TCF12: variants seen among roughly 807,000 people sequenced by gnomAD.
TCF12 encodes DNA-binding protein HTF4.
TCF12 carries 45 observed loss-of-function variants against 86.0 expected under a neutral mutation model. The observed-to-expected ratio is 0.52, with a 90% confidence interval of 0.41 to 0.67. The LOEUF is 0.67. TCF12 is among the 30% of genes least tolerant of loss of function. The probability of loss-of-function intolerance (pLI) is 0.00; values close to 1 mark genes in which losing one functional copy is unlikely to be tolerated. For missense variants in TCF12, 881 were observed against 859.9 expected (o/e 1.02, Z -0.31); for synonymous variants, 330 against 299.6 (o/e 1.10, Z -1.05).
chr15:57,275,660 T>A (rs1415127342), intron 19 of TCF12, among the ~76,000 whole-genome samples: 1 of 152,104 alleles, frequency 6.6e-6, no homozygotes, highest in African/African-American at 2.4e-5. Flanking sequence ...AGACCCTCCT[T>A]AGCAGTCCCT....
intron 8 of TCF12, among the ~76,000 whole-genome samples, chr15:57,230,586 T>G (rs1957597981): frequency 6.6e-6 from 1 of 152,032 alleles, no homozygotes; most frequent in African/African-American, 2.4e-5. Flanking sequence ...GACTTGAAAG[T>G]GTACTGGAAA....
At chr15:57,084,450 T>A (rs922158931) in intron 4 of TCF12, among the ~76,000 whole-genome samples, 14 of 152,134 alleles carry the variant, frequency 9.2e-5, no homozygotes, top group Admixed American at 2.6e-4. Context: ...ATGTACCGGG[T>A]CCTGTGACTT....
intron 3 of TCF12, among the ~76,000 whole-genome samples, chr15:56,991,328 T>C (rs373325730): frequency 2.0e-5 from 3 of 152,344 alleles, no homozygotes; most frequent in African/African-American, 7.2e-5. Context: ...TTCCATCTAA[T>C]GACTAGTGTC....
intron 6 of TCF12, among the ~76,000 whole-genome samples, chr15:57,190,484 G>T (rs2151701364): frequency 6.6e-6 from 1 of 152,150 alleles, no homozygotes; most frequent in Middle Eastern, 3.4e-3. Context: ...TATGATGGGG[G>T]ATTCGTAAAT....
At chr15:57,116,903 A>G (rs759470923) in intron 5 of TCF12, among the ~76,000 whole-genome samples, 1 of 152,194 alleles carries the variant, frequency 6.6e-6, no homozygotes, top group African/African-American at 2.4e-5. Flanking sequence ...TAATTTATTA[A>G]CAGCTTTTAT....
chr15:57,233,979 C>A, intron 11 of TCF12, 64 bp from the exon 12 acceptor site: 1 of 1,317,108 alleles, frequency 7.6e-7, no homozygotes, highest in Non-Finnish European at 1.1e-6. Context: ...GGAATAATGG[C>A]AGAGTGCTAA....
At chr15:57,261,948 A>T in intron 16 of TCF12, 146 bp from the exon 17 acceptor site, 1 of 517,118 alleles carries the variant, frequency 1.9e-6, no homozygotes, top group Non-Finnish European at 3.4e-6. Context: ...TCTCCCCAAA[A>T]ACCAGAATAA....
At chr15:56,992,812 C>A (rs1451875109) in intron 3 of TCF12, among the ~76,000 whole-genome samples, 1 of 152,108 alleles carries the variant, frequency 6.6e-6, no homozygotes, top group African/African-American at 2.4e-5. Flanking sequence ...ATGCTTAGGA[C>A]TATTGTCTTA....
At chr15:56,948,581 A>G (rs1012026703) in intron 3 of TCF12, among the ~76,000 whole-genome samples, 107 of 152,348 alleles carry the variant, frequency 7.0e-4, no homozygotes, top group African/African-American at 2.4e-3. Context: ...CAGTGAAGTA[A>G]CAAATATCAG....
intron 3 of TCF12, among the ~76,000 whole-genome samples, chr15:57,040,851 T>A (rs11071303): frequency 6.6e-6 from 1 of 152,036 alleles, no homozygotes; most frequent in African/African-American, 2.4e-5. Flanking sequence ...TATTTGTGAT[T>A]ATATAGTTGG....
intron 3 of TCF12, among the ~76,000 whole-genome samples, chr15:56,984,979 T>C (rs998626631): frequency 6.6e-6 from 1 of 152,124 alleles, no homozygotes; most frequent in African/African-American, 2.4e-5. Context: ...GTGGTAGAAA[T>C]TATCTTTCTA....
intron 4 of TCF12, among the ~76,000 whole-genome samples, chr15:57,077,321 ATATATATGTGTGTGTGTGTGTGTGTG>A: frequency 3.1e-5 from 1 of 32,326 alleles, no homozygotes; most frequent in African/African-American, 2.3e-4. Context: ...ATATATATGT[ATATATATGTGTGTGTGTGTGTGTGTG>A]TGTGTGTGTG....
chr15:57,138,657 T>C (rs2052735274), intron 5 of TCF12, among the ~76,000 whole-genome samples: 1 of 152,212 alleles, frequency 6.6e-6, no homozygotes, highest in Admixed American at 6.5e-5. Flanking sequence ...AAATCACTTA[T>C]TCTCAAAAGA....
rs527820834 is a variant in TCF12, at chr15:57,061,687, T to C, written c.149-2063T>C. Among the ~76,000 whole-genome samples the C allele has an allele frequency of 7.9e-5, 12 of 152,320 alleles. No individual in the cohort carries two copies. In the East Asian group the frequency reaches 2.1e-3, roughly 27 times the overall value. On this transcript the variant is annotated intron_variant, in intron 3 of 20. Coordinates refer to ENST00000333725, the MANE Select transcript of TCF12 (RefSeq NM_207037.2). ...AGAAAATATGAAGTCATAAAAAGAC[T>C]AAGTTATGGTTTGATTATTTTCATC...
chr15:57,130,507 G>C (rs58388376), intron 5 of TCF12, among the ~76,000 whole-genome samples: 7,138 of 152,184 alleles, frequency 0.047, 337 homozygotes, highest in African/African-American at 0.13. Flanking sequence ...TGCAAACTCA[G>C]ATACTCTAGA....
chr15:57,248,957 G>C (rs573905686), intron 13 of TCF12, among the ~76,000 whole-genome samples: 1 of 152,300 alleles, frequency 6.6e-6, no homozygotes, highest in East Asian at 1.9e-4. Flanking sequence ...AACGTAAAAC[G>C]TGTTAATATT....
chr15:57,250,527 G>A (rs771017374), intron 13 of TCF12, among the ~76,000 whole-genome samples: 13 of 152,078 alleles, frequency 8.5e-5, no homozygotes, highest in Admixed American at 4.6e-4. Context: ...TCAGGAGTTC[G>A]AGACCAGCCT....
At chr15:57,259,515 C>G (rs928137272) in intron 16 of TCF12, among the ~76,000 whole-genome samples, 10 of 152,160 alleles carry the variant, frequency 6.6e-5, no homozygotes, top group Non-Finnish European at 1.2e-4. Flanking sequence ...AGCCATCGGC[C>G]AAATTAAATG....
At chr15:56,975,546 A>C (rs936450586) in intron 3 of TCF12, among the ~76,000 whole-genome samples, 4 of 152,280 alleles carry the variant, frequency 2.6e-5, no homozygotes, top group Admixed American at 6.5e-5. Context: ...GAATTTACCT[A>C]ATAAAGCCTG....
Sources: allele counts gnomAD v4.1 joint callset (sites outside exome capture counted in the v4.1 genomes callset), GRCh38; gene constraint gnomAD v4.1.1; transcripts MANE v1.5; gene names NCBI Gene and HGNC (gene_info 2026-07-23, HGNC 2026-07-21).